RIC1: variants seen among roughly 807,000 people sequenced by gnomAD.
The protein encoded by RIC1 is RIC1 partner of RAB6A GEF complex.
In RIC1, 88 loss-of-function variants were observed where a neutral mutation model predicts 169.0. That is an observed-to-expected ratio of 0.52 (90% CI 0.44 to 0.62). The LOEUF (loss-of-function observed/expected upper bound fraction) is 0.62. RIC1 is among the 20% of genes least tolerant of loss of function. RIC1 has a pLI of 0.00. For missense variants in RIC1, 1,877 were observed against 1,725.5 expected, an observed-to-expected ratio of 1.09 and a Z score of -1.56; for synonymous variants, 790 against 601.5, an observed-to-expected ratio of 1.31 and a Z score of -4.59.
chr9:5,655,593 G>T (rs1025673160), intron 1 of RIC1, among the ~76,000 whole-genome samples: 1 of 152,148 alleles, frequency 6.6e-6, no homozygotes. Context: ...GAGCCGTGGC[G>T]CCCGGCCTTG....
intron 3 of RIC1, among the ~76,000 whole-genome samples, chr9:5,693,881 G>A (rs1256524004): frequency 6.7e-6 from 1 of 148,372 alleles, no homozygotes; most frequent in African/African-American, 2.5e-5. Flanking sequence ...TTTTGTTAGA[G>A]ACTAGCATTT....
chr9:5,717,553 A>G (rs1823327454), intron 4 of RIC1, among the ~76,000 whole-genome samples: 1 of 152,188 alleles, frequency 6.6e-6, no homozygotes, highest in Admixed American at 6.5e-5. Context: ...TTAAAAGTTC[A>G]GTTCTTGCAG....
chr9:5,644,837 C>A (rs1480032437), intron 1 of RIC1, among the ~76,000 whole-genome samples: 3 of 142,812 alleles, frequency 2.1e-5, no homozygotes, highest in African/African-American at 7.4e-5. Flanking sequence ...AAGTGCAAAA[C>A]TTTGTTCCAA....
intron 6 of RIC1, among the ~76,000 whole-genome samples, chr9:5,726,986 A>G (rs1824035510): frequency 6.6e-6 from 1 of 151,832 alleles, no homozygotes; most frequent in Non-Finnish European, 1.5e-5. Flanking sequence ...TGCCCTTAAC[A>G]TTTTTTCCTT....
chr9:5,671,042 C>G (rs908412696), intron 2 of RIC1, among the ~76,000 whole-genome samples: 1 of 152,166 alleles, frequency 6.6e-6, no homozygotes, highest in Non-Finnish European at 1.5e-5. Context: ...ATCTTAGGTT[C>G]TACAGTAGTG....
At chr9:5,689,141 T>C (rs1199049564) in intron 2 of RIC1, among the ~76,000 whole-genome samples, 4 of 149,612 alleles carry the variant, frequency 2.7e-5, no homozygotes, top group East Asian at 2.0e-4. Context: ...CTCCGCCTTC[T>C]GGGTTCACGC....
At position 5,738,606 on chromosome 9, in the gene RIC1, G is replaced by A; in HGVS notation, c.901+68G>A. On this transcript the variant is annotated intron_variant, in intron 8 of 25. Transcript: ENST00000414202. ...ACTGGTATTGCCATTTGTAGCAGAT[G>A]CTGATTTTAAGTTAAACAATACATG... The A allele has an allele frequency of 5.3e-6, 5 of 952,254 alleles. No homozygotes were observed. In the South Asian group the frequency reaches 9.1e-5, roughly 17 times the overall value. 59.0% of individuals were successfully genotyped at this position (952,254 alleles called of 1,614,324 possible). A position where few individuals can be genotyped will look rare whatever the true frequency, so the allele number is the denominator to read the frequency against.
At chr9:5,680,836 T>TTTTC in intron 2 of RIC1, among the ~76,000 whole-genome samples, 1 of 127,096 alleles carries the variant, frequency 7.9e-6, no homozygotes, top group African/African-American at 3.3e-5. Flanking sequence ...TTTTTTTTTT[T>TTTTC]TTTTTTTTGA....
At chr9:5,682,357 G>A (rs957057858) in intron 2 of RIC1, among the ~76,000 whole-genome samples, 11 of 152,256 alleles carry the variant, frequency 7.2e-5, no homozygotes, top group Admixed American at 2.6e-4. Context: ...AGGCCTGGTG[G>A]GGACAAAATC....
chr9:5,711,587 T>G (rs1822928801), intron 3 of RIC1, among the ~76,000 whole-genome samples: 1 of 150,896 alleles, frequency 6.6e-6, no homozygotes, highest in Non-Finnish European at 1.5e-5. Flanking sequence ...ATATATATTT[T>G]TATTATACTT....
intron 3 of RIC1, among the ~76,000 whole-genome samples, chr9:5,693,237 A>C (rs1045075671): frequency 2.6e-5 from 4 of 152,104 alleles, no homozygotes; most frequent in Non-Finnish European, 4.4e-5. Flanking sequence ...CTCTTCTGTA[A>C]ATCTTACAAG....
At chr9:5,715,149 G>C (rs1245161617) in intron 4 of RIC1, among the ~76,000 whole-genome samples, 1 of 152,082 alleles carries the variant, frequency 6.6e-6, no homozygotes, top group Non-Finnish European at 1.5e-5. Flanking sequence ...TCATCGCCTT[G>C]GTCACAAGGT....
chr9:5,771,726 C>T (rs528979879), intron 23 of RIC1, among the ~76,000 whole-genome samples: 4 of 152,144 alleles, frequency 2.6e-5, no homozygotes, highest in South Asian at 2.1e-4. Context: ...TGAGATGGTG[C>T]CATCACTTTA....
Position 5,738,547 on chromosome 9 carries a change from T to G in RIC1, c.901+9T>G. 1.7e-6 allele frequency: 1 copy of G among 590,956 alleles called. No homozygotes were observed. The highest frequency in any genetic ancestry group is 3.2e-5 in the South Asian group (1 of 31,302). The allele number at this position is 590,956 out of a possible 1,614,324, so 36.6% of individuals were successfully genotyped here. ...AGCAAAACAGTATCCTGGTGAGTCTTTTTTTTTTTTTTTTTTTTTAACATT... is the reference window on the plus strand; with the variant it reads ...AGCAAAACAGTATCCTGGTGAGTCTGTTTTTTTTTTTTTTTTTTTAACATT... On this transcript the variant is annotated intron_variant, in intron 8 of 25. Coordinates refer to ENST00000414202, the MANE Select transcript of RIC1 (RefSeq NM_020829.4).
rs62557390 is a variant in RIC1 at position 5,734,355 on chromosome 9, C to T, written c.812+1876C>T. On this transcript the variant is annotated intron_variant, in intron 7 of 25. Coordinates refer to ENST00000414202, the MANE Select transcript of RIC1 (RefSeq NM_020829.4). The stretch of plus-strand genomic sequence containing the variant: ...TCCTGACCTCGTGATCCATCCACCT[C>T]GGCCTCCCAAAGTGCTGTGATTACA... 1.5e-3 allele frequency among the ~76,000 whole-genome samples: 233 copies of T among 151,916 alleles called. 1 individual carries two copies. The Middle Eastern group carries it at 0.017, about 11-fold the overall frequency.
intron 19 of RIC1, chr9:5,764,988 C>G (rs1410991411): frequency 1.3e-5 from 2 of 154,926 alleles, no homozygotes; most frequent in Non-Finnish European, 2.9e-5. Context: ...AGCAAAGATT[C>G]TAGTCACATC....
chr9:5,769,228 T>G lies in RIC1; in HGVS notation c.3396T>G (p.Ser1132=). 1 of 1,614,138 alleles carries G rather than the reference T, an allele frequency of 6.2e-7. No individual in the cohort carries two copies. Among genetic ancestry groups the G allele is most frequent in the Non-Finnish European group, 8.5e-7 (1 of 1,179,978 alleles). The change falls in exon 22 of 26, where the codon TCT becomes TCG. Residue 1132 remains serine, a synonymous_variant. Transcript: ENST00000414202. The part of the protein sequence containing the change: ...LPIIPASSIS[S]PFKNGKYRTV... Reference sequence around the variant, plus strand: ...TCATCCCAGCCTCTTCTATCAGTTCTCCTTTCAAAAATGGAAAATACCGAA... The same window carrying G: ...TCATCCCAGCCTCTTCTATCAGTTCGCCTTTCAAAAATGGAAAATACCGAA...
intron 4 of RIC1, among the ~76,000 whole-genome samples, chr9:5,716,634 A>G (rs1344774163): frequency 1.3e-5 from 2 of 152,144 alleles, no homozygotes; most frequent in African/African-American, 2.4e-5. Context: ...TTAAGAACCA[A>G]TACAGCATGA....
intron 23 of RIC1, 25 bp from the exon 24 acceptor site, chr9:5,772,539 G>T (rs111546732): frequency 6.5e-7 from 1 of 1,546,802 alleles, no homozygotes; most frequent in Non-Finnish European, 8.7e-7. Context: ...GAAGTTGGTT[G>T]TAACTTTTGG....
Sources: allele counts gnomAD v4.1 joint callset (sites outside exome capture counted in the v4.1 genomes callset), GRCh38; gene constraint gnomAD v4.1.1; transcripts MANE v1.5; gene names NCBI Gene and HGNC (gene_info 2026-07-23, HGNC 2026-07-21).